The following TMEM150B variants were observed in gnomAD, a reference collection of about 807,000 sequenced individuals.
The protein encoded by TMEM150B is modulator of macroautophagy TMEM150B.
A neutral mutation model predicts 25.2 loss-of-function variants in TMEM150B; 33 were observed. The ratio of observed to expected loss-of-function variants is 1.31; its 90% CI spans 0.99 to 1.75. TMEM150B has a LOEUF of 1.75. Ranked by LOEUF, TMEM150B falls within the 40% of genes most tolerant of loss-of-function variation. The probability of loss-of-function intolerance (pLI) is 0.00; values close to 1 mark genes in which losing one functional copy is unlikely to be tolerated. For synonymous variants in TMEM150B, 133 were observed against 134.8 expected (o/e 0.99, Z 0.09); for missense variants, 322 against 306.1 (o/e 1.05, Z -0.39).
downstream of TMEM150B, among the ~76,000 whole-genome samples, chr19:55,310,824 G>A (rs2088772111): frequency 1.3e-5 from 2 of 152,096 alleles, no homozygotes; most frequent in Admixed American, 1.3e-4. The surrounding 1 kb of genome is among the most constrained non-coding windows in gnomAD (Gnocchi z 5.0). Context: ...GCAACCAGGG[G>A]TCTCAAAACG....
At chr19:55,325,246 C>T (rs1176069484) in intron 1 of TMEM150B, 26 bp downstream of exon 1, 1 of 984,572 alleles carries the variant, frequency 1.0e-6, no homozygotes, top group African/African-American at 1.7e-5. Flanking sequence ...GAGCTACTTT[C>T]AAGTTGGGAA....
chr19:55,314,985 CCCT>C (rs1239236107), intron 7 of TMEM150B, among the ~76,000 whole-genome samples: 1 of 152,094 alleles, frequency 6.6e-6, no homozygotes. Context: ...GGTTTTCAGC[CCCT>C]CCTTTCTCTC....
chr19:55,318,037 A>C (rs183356345), intron 6 of TMEM150B, among the ~76,000 whole-genome samples: 1 of 152,284 alleles, frequency 6.6e-6, no homozygotes, highest in Non-Finnish European at 1.5e-5. Flanking sequence ...GAAATGTCTA[A>C]AAATACTCCT....
At chr19:55,316,386 C>A (rs1232570296) in intron 7 of TMEM150B, among the ~76,000 whole-genome samples, 1 of 152,030 alleles carries the variant, frequency 6.6e-6, no homozygotes, top group Non-Finnish European at 1.5e-5. Context: ...AGAGCAGGTG[C>A]CCTCAAGGGA....
At chr19:55,322,596 C>G in intron 2 of TMEM150B, 52 bp downstream of exon 2, 1 of 896,514 alleles carries the variant, frequency 1.1e-6, no homozygotes, top group South Asian at 5.1e-5. Flanking sequence ...TCCCTGCCCT[C>G]CCAGCCCCTC....
chr19:55,322,095 C>T (rs2089221771), intron 2 of TMEM150B, among the ~76,000 whole-genome samples: 1 of 152,182 alleles, frequency 6.6e-6, no homozygotes, highest in Non-Finnish European at 1.5e-5. Context: ...TTCTGACCTC[C>T]TCCTGGCTTG....
At position 55,320,877 on chromosome 19, in the gene TMEM150B, C is replaced by A. The variant is rs2089187804; in HGVS notation, c.68+92G>T. On this transcript the variant is annotated intron_variant, in intron 3 of 7. Coordinates refer to ENST00000326652, the MANE Select transcript of TMEM150B (RefSeq NM_001282011.2). ...CCTCCCTCAGATCCAGGGATCCAGG[C>A]CCCCAACCCCTTCCTCCCTCAGACC... 28 of 1,462,262 alleles carry A rather than the reference C, an allele frequency of 1.9e-5. No individual in the cohort carries two copies. The South Asian group carries it at 3.6e-4, about 19-fold the overall frequency. The allele number at this position is 1,462,262 out of a possible 1,614,324, so 90.6% of individuals were successfully genotyped here. A position where few individuals can be genotyped will look rare whatever the true frequency, so the allele number is the denominator to read the frequency against.
chr19:55,320,864 C>A, intron 3 of TMEM150B, 105 bp downstream of exon 3: 1 of 1,396,176 alleles, frequency 7.2e-7, no homozygotes, highest in East Asian at 2.5e-5. Flanking sequence ...TCCCTCAGAT[C>A]CAGGGATCCA....
chr19:55,320,501 GC>G (rs768189423), intron 4 of TMEM150B, 43 bp from the exon 5 acceptor site: 7 of 1,610,972 alleles, frequency 4.3e-6, no homozygotes, highest in Non-Finnish European at 5.9e-6. Context: ...CCAAGCTAGG[GC>G]CTCCACTTTC....
rs530184823 is a variant in TMEM150B at position 55,322,772 on chromosome 19, C to A, written c.-153-29G>T. The stretch of plus-strand genomic sequence containing the variant: ...CAGAGGCAAAGTCCAGGCTGCAGGA[C>A]TGCCTGGGTCCTTTGGTCTGACTGC... On this transcript the variant is annotated intron_variant, in intron 1 of 7. Transcript: ENST00000326652. 1.8e-5 allele frequency: 18 copies of A among 976,080 alleles called. No homozygotes were observed. In the East Asian group the frequency reaches 1.9e-3, roughly 106 times the overall value. The allele number at this position is 976,080 out of a possible 1,614,324, so 60.5% of individuals were successfully genotyped here.
At chr19:55,313,816 G>C (rs927498024) in intron 7 of TMEM150B, among the ~76,000 whole-genome samples, 1 of 122,484 alleles carries the variant, frequency 8.2e-6, no homozygotes, top group Non-Finnish European at 1.8e-5. Flanking sequence ...TCCAGGCCTA[G>C]TAGAGACAGC....
At chr19:55,315,356 G>A (rs1448494683) in intron 7 of TMEM150B, among the ~76,000 whole-genome samples, 1 of 151,490 alleles carries the variant, frequency 6.6e-6, no homozygotes, top group Non-Finnish European at 1.5e-5. Context: ...AATAGGCCGG[G>A]CATGGTGGCT....
At chr19:55,312,134 C>A, downstream of TMEM150B, 1 of 697,472 alleles carries the variant, frequency 1.4e-6, no homozygotes, top group South Asian at 2.1e-5. Context: ...AACTGTGAAT[C>A]TGTAAATAAG....
At chr19:55,320,693 T>G (rs2089178848) in intron 3 of TMEM150B, 76 bp from the exon 4 acceptor site, 3 of 1,545,418 alleles carry the variant, frequency 1.9e-6, no homozygotes, top group Non-Finnish European at 2.7e-6. Context: ...AACAAGGACT[T>G]CTAGCCCCCT....
chr19:55,319,946 C>A (rs745712884), intron 6 of TMEM150B, 93 bp downstream of exon 6: 1 of 1,569,092 alleles, frequency 6.4e-7, no homozygotes. Context: ...GGAACCAGCC[C>A]CCGAGACAAT....
intron 1 of TMEM150B, among the ~76,000 whole-genome samples, chr19:55,323,665 G>A (rs34742044): frequency 0.23 from 34,521 of 150,812 alleles, 5,126 homozygotes; most frequent in African/African-American, 0.44. Flanking sequence ...ACCATGCCTG[G>A]CTAATTTTTG....
At chr19:55,323,355 C>A (rs1313605461) in intron 1 of TMEM150B, among the ~76,000 whole-genome samples, 1 of 151,838 alleles carries the variant, frequency 6.6e-6, no homozygotes, top group Non-Finnish European at 1.5e-5. Flanking sequence ...TCCCTTGAAC[C>A]TGGGAAGCAG....
intron 7 of TMEM150B, 71 bp from the exon 8 acceptor site, chr19:55,313,126 C>A: frequency 6.8e-7 from 1 of 1,477,704 alleles, no homozygotes; most frequent in African/African-American, 1.4e-5. Flanking sequence ...TGTGCCGCCT[C>A]GCGCTGGGCG....
At position 55,321,110 on chromosome 19, in the gene TMEM150B, CA is replaced by C. The variant is rs2089196327; in HGVS notation, c.-57-18del. ...CTCTCACACCTGAAGAACCAGCCCT[CA>C]AGGAGGGCCCAGGTGCATGAGATTG... is the stretch of plus-strand genomic sequence containing the variant. On this transcript the variant is annotated intron_variant, in intron 2 of 7. Transcript: ENST00000326652. 5.2e-6 allele frequency: 8 copies of C among 1,541,842 alleles called. No homozygotes were observed. Among genetic ancestry groups the C allele is most frequent in the Middle Eastern group, 3.4e-4 (2 of 5,836 alleles).
Sources: gnomAD v4.1 joint callset for allele counts (sites outside exome capture counted in the v4.1 genomes callset) on GRCh38, gnomAD v4.1.1 for gene constraint, Gnocchi (gnomAD v3.1) non-coding constraint, MANE v1.5 for transcripts, NCBI Gene and HGNC (gene_info 2026-07-23, HGNC 2026-07-21) for gene names.